CLASP1: variants seen among roughly 807,000 people sequenced by gnomAD.
CLASP1 encodes CLIP-associating protein 1.
A neutral mutation model predicts 192.3 loss-of-function variants in CLASP1; 38 were observed. The observed-to-expected ratio is 0.20, with a 90% CI of 0.15 to 0.26. The LOEUF (loss-of-function observed/expected upper bound fraction) is 0.26. CLASP1 is among the 10% of genes least tolerant of loss of function. The pLI is 1.00. For missense variants in CLASP1, 1,433 were observed against 1,932.5 expected (o/e 0.74, Z 4.85); for synonymous variants, 691 against 712.8 (o/e 0.97, Z 0.49).
chr2:121,402,489 G>A (rs753506482), intron 26 of CLASP1: 2 of 465,372 alleles, frequency 4.3e-6, no homozygotes, highest in South Asian at 3.3e-5. Context: ...CACCACCAGG[G>A]GTCTCCTGTG....
At chr2:121,605,900 G>C (rs775641623) in exon 2 of CLASP1, 1 of 1,612,926 alleles carries the variant, frequency 6.2e-7, no homozygotes, top group Non-Finnish European at 8.5e-7. Context: ...CTCCATAGTG[G>C]AATTCAAATC....
intron 21 of CLASP1, 70 bp from the exon 22 acceptor site, chr2:121,425,376 G>A (rs913755344): frequency 7.3e-7 from 1 of 1,372,126 alleles, no homozygotes; most frequent in African/African-American, 1.5e-5. Flanking sequence ...ACTTTCAAAA[G>A]CCAGATTTTA....
At chr2:121,341,231 C>G (rs1442527019) in intron 39 of CLASP1, among the ~76,000 whole-genome samples, 1 of 152,172 alleles carries the variant, frequency 6.6e-6, no homozygotes, top group African/African-American at 2.4e-5. Flanking sequence ...TGGGCCGCAG[C>G]AGCTCATGGA....
intron 33 of CLASP1, among the ~76,000 whole-genome samples, chr2:121,381,171 T>C (rs1221268537): frequency 6.6e-6 from 1 of 152,208 alleles, no homozygotes; most frequent in Admixed American, 6.5e-5. Context: ...TATAAGAGCT[T>C]CAAAAGGAAG....
chr2:121,361,738 T>C (rs1422011219), intron 37 of CLASP1, among the ~76,000 whole-genome samples: 2 of 152,226 alleles, frequency 1.3e-5, no homozygotes, highest in African/African-American at 4.8e-5. Flanking sequence ...GGAATCACTA[T>C]GTTGATCGTA....
intron 9 of CLASP1, among the ~76,000 whole-genome samples, chr2:121,468,704 G>A (rs541140071): frequency 7.7e-4 from 117 of 152,168 alleles, no homozygotes; most frequent in African/African-American, 2.7e-3. Context: ...CTAGATATAG[G>A]ATCATGTCAT....
At chr2:121,376,014 T>C (rs1300784959) in intron 34 of CLASP1, among the ~76,000 whole-genome samples, 1 of 152,174 alleles carries the variant, frequency 6.6e-6, no homozygotes, top group African/African-American at 2.4e-5. Flanking sequence ...ATGGTTATTA[T>C]AAAAAAGACA....
chr2:121,629,579 T>C (rs566723019), intron 1 of CLASP1, among the ~76,000 whole-genome samples: 1 of 151,744 alleles, frequency 6.6e-6, no homozygotes, highest in East Asian at 2.0e-4. Flanking sequence ...TCACCTGAGG[T>C]CAGGAATTTG....
chr2:121,377,656 AT>A lies in CLASP1; in HGVS notation c.3492-8del. ...TGTATCATAGTCCAGCATGCTAAAG[AT>A]AAAAAATATTTTATTTCTTAAATCG... On this transcript the variant is annotated splice_region_variant and splice_polypyrimidine_tract_variant and intron_variant, in intron 33 of 39. Transcript: ENST00000263710. 1 of 1,543,036 alleles carries A rather than the reference AT, an allele frequency of 6.5e-7. No homozygotes were observed. The highest frequency in any genetic ancestry group is 8.7e-7 in the Non-Finnish European group (1 of 1,143,636).
In CLASP1 at chr2:121,410,989, A is replaced by G. The variant is rs1328521220; in HGVS notation, c.2321-20T>C. On this transcript the variant is annotated intron_variant, in intron 23 of 39. Transcript: ENST00000263710. The stretch of plus-strand genomic sequence containing the variant: ...ACCGATCTATTTAAAAAACAAAAGC[A>G]AAAGATGTGTCACTTTAATTCAAAT... 6.9e-7 allele frequency: 1 copy of G among 1,457,978 alleles called. No individual in the cohort carries two copies. Among genetic ancestry groups the G allele is most frequent in the Non-Finnish European group, 9.5e-7 (1 of 1,054,996 alleles). 90.3% of individuals were successfully genotyped at this position (1,457,978 alleles called of 1,614,324 possible).
intron 37 of CLASP1, among the ~76,000 whole-genome samples, chr2:121,352,856 G>A (rs914531143): frequency 7.2e-5 from 11 of 151,926 alleles, no homozygotes; most frequent in Admixed American, 2.6e-4. Flanking sequence ...GTTTCACCAC[G>A]TTGACCAGGC....
At chr2:121,557,571 G>T (rs1041127905) in intron 2 of CLASP1, among the ~76,000 whole-genome samples, 4 of 151,456 alleles carry the variant, frequency 2.6e-5, no homozygotes, top group Non-Finnish European at 5.9e-5. Context: ...GCGACAGAGT[G>T]AGACTCTGTC....
chr2:121,503,383 T>C, intron 7 of CLASP1, 149 bp from the exon 8 acceptor site: 2 of 594,762 alleles, frequency 3.4e-6, no homozygotes, highest in Middle Eastern at 2.7e-4. Context: ...ACTCAATCAA[T>C]AACATTAACA....
chr2:121,560,541 G>C (rs1205591602), intron 2 of CLASP1, among the ~76,000 whole-genome samples: 1 of 152,200 alleles, frequency 6.6e-6, no homozygotes, highest in Non-Finnish European at 1.5e-5. Flanking sequence ...AGGAATGGAA[G>C]ACAGTCTTCT....
chr2:121,382,396 T>A, intron 32 of CLASP1, 72 bp from the exon 34 acceptor site: 1 of 880,274 alleles, frequency 1.1e-6, no homozygotes, highest in Non-Finnish European at 1.7e-6. Context: ...AGGAAAGCAC[T>A]ACACACTAAG....
intron 34 of CLASP1, among the ~76,000 whole-genome samples, chr2:121,369,810 A>G (rs1415360729): frequency 6.6e-6 from 1 of 152,250 alleles, no homozygotes; most frequent in Non-Finnish European, 1.5e-5. Flanking sequence ...TAATGCTGAA[A>G]TAAGCTATCT....
At chr2:121,506,462 C>A (rs544152898) in intron 7 of CLASP1, among the ~76,000 whole-genome samples, 4 of 150,962 alleles carry the variant, frequency 2.6e-5, no homozygotes, top group Non-Finnish European at 5.9e-5. Context: ...GAAATAACAA[C>A]TGGGGCAAAG....
chr2:121,638,036 T>G (rs1167194151), intron 1 of CLASP1, among the ~76,000 whole-genome samples: 1 of 150,672 alleles, frequency 6.6e-6, no homozygotes, highest in East Asian at 2.0e-4. Flanking sequence ...CTACCCAGAG[T>G]GAGAAAATAT....
intron 33 of CLASP1, among the ~76,000 whole-genome samples, chr2:121,379,346 G>GAATT (rs1355684464): frequency 6.6e-6 from 1 of 152,092 alleles, no homozygotes; most frequent in African/African-American, 2.4e-5. Flanking sequence ...AACCTGAAGA[G>GAATT]AATTTAAGAT....
Sources: allele counts gnomAD v4.1 joint callset (sites outside exome capture counted in the v4.1 genomes callset), GRCh38; gene constraint gnomAD v4.1.1; transcripts MANE v1.5; gene names NCBI Gene and HGNC (gene_info 2026-07-23, HGNC 2026-07-21).